The following CSNK2A2IP variants were observed in gnomAD, a reference collection of about 807,000 sequenced individuals.
CSNK2A2IP encodes casein kinase 2 subunit alpha' interacting protein.
chr3:88,391,633 T>A, the CSNK2A2IP span, among the ~76,000 whole-genome samples: 6 of 152,038 alleles, frequency 3.9e-5, no homozygotes, highest in Admixed American at 3.9e-4. Flanking sequence ...AAAGAAAACA[T>A]ACTCTAGGCA....
At chr3:88,373,269 T>G in the CSNK2A2IP span, among the ~76,000 whole-genome samples, 3 of 151,274 alleles carry the variant, frequency 2.0e-5, no homozygotes, top group African/African-American at 7.3e-5. Flanking sequence ...AGGATTGAAC[T>G]TACCAAAAGT....
At chr3:88,407,235 G>A in the CSNK2A2IP span, among the ~76,000 whole-genome samples, 1 of 133,968 alleles carries the variant, frequency 7.5e-6, no homozygotes, top group Non-Finnish European at 1.5e-5. Flanking sequence ...CTGGCATTGT[G>A]CAAATATTCT....
the CSNK2A2IP span, among the ~76,000 whole-genome samples, chr3:88,435,044 T>C: frequency 0.81 from 122,599 of 152,098 alleles, 50,191 homozygotes; most frequent in Non-Finnish European, 0.88. Flanking sequence ...AGGACAAATC[T>C]AGGGTCTTTG....
the CSNK2A2IP span, among the ~76,000 whole-genome samples, chr3:88,372,428 T>C: frequency 6.6e-6 from 1 of 151,422 alleles, no homozygotes; most frequent in African/African-American, 2.4e-5. Context: ...TTTAAATATA[T>C]TGAAATAATT....
At chr3:88,367,750 T>G in the CSNK2A2IP span, among the ~76,000 whole-genome samples, 1 of 152,086 alleles carries the variant, frequency 6.6e-6, no homozygotes, top group Admixed American at 6.6e-5. Context: ...AACTCCTGTG[T>G]TATCTAAATA....
At chr3:88,447,641 T>C in the CSNK2A2IP span, among the ~76,000 whole-genome samples, 1 of 152,118 alleles carries the variant, frequency 6.6e-6, no homozygotes, top group Non-Finnish European at 1.5e-5. Context: ...AACTTAGTAG[T>C]ACAATCTTGT....
chr3:88,422,065 G>A, the CSNK2A2IP span, among the ~76,000 whole-genome samples: 1 of 152,034 alleles, frequency 6.6e-6, no homozygotes. Flanking sequence ...TGTTTCTGTG[G>A]ATCTCTCTGT....
chr3:88,370,571 CCTTTCTTTCTCTCTCTCTTT>C, the CSNK2A2IP span, among the ~76,000 whole-genome samples: 2 of 148,812 alleles, frequency 1.3e-5, no homozygotes, highest in Non-Finnish European at 3.0e-5. Context: ...TCCCTTCCTT[CCTTTCTTTCTCTCTCTCTTT>C]CTTTCTTTCT....
the CSNK2A2IP span, chr3:88,467,318 C>T: frequency 2.5e-6 from 1 of 399,682 alleles, no homozygotes; most frequent in East Asian, 3.6e-5. Context: ...TCTTCCTCTC[C>T]TTCCAAAGAG....
the CSNK2A2IP span, chr3:88,465,392 T>C: frequency 8.1e-7 from 1 of 1,231,658 alleles, no homozygotes; most frequent in Non-Finnish European, 1.0e-6. Context: ...CAACACTTTG[T>C]GCCATTAGAC....
chr3:88,464,307 G>A, the CSNK2A2IP span, among the ~76,000 whole-genome samples: 2 of 135,990 alleles, frequency 1.5e-5, no homozygotes, highest in Admixed American at 1.7e-4. Context: ...AAAACTTAAG[G>A]TATAATAATA....
the CSNK2A2IP span, among the ~76,000 whole-genome samples, chr3:88,349,758 C>G: frequency 2.0e-5 from 3 of 152,072 alleles, no homozygotes; most frequent in Admixed American, 1.3e-4. Flanking sequence ...CCAGAAGTGT[C>G]AAAATGTTCC....
the CSNK2A2IP span, chr3:88,466,784 GC>G: frequency 4.7e-6 from 4 of 858,764 alleles, no homozygotes; most frequent in Non-Finnish European, 6.2e-6. Context: ...TATGTGGTTT[GC>G]TTAGCTTGTG....
the CSNK2A2IP span, among the ~76,000 whole-genome samples, chr3:88,370,297 T>C: frequency 6.4e-4 from 98 of 151,944 alleles, no homozygotes; most frequent in Non-Finnish European, 1.1e-3. Context: ...AAGGAAAAAT[T>C]AGAAACATTA....
At chr3:88,453,168 T>C in the CSNK2A2IP span, among the ~76,000 whole-genome samples, 1,281 of 152,204 alleles carry the variant, frequency 8.4e-3, 3 homozygotes, top group Non-Finnish European at 0.013. Context: ...ATGAAGTTGG[T>C]TCCCAAAAGA....
the CSNK2A2IP span, among the ~76,000 whole-genome samples, chr3:88,401,731 C>G: frequency 6.6e-6 from 1 of 151,814 alleles, no homozygotes; most frequent in Non-Finnish European, 1.5e-5. Flanking sequence ...TTTGCCATGT[C>G]TTAAGTAGCT....
chr3:88,399,047 G>A, the CSNK2A2IP span, among the ~76,000 whole-genome samples: 2 of 151,964 alleles, frequency 1.3e-5, no homozygotes, highest in African/African-American at 2.4e-5. Flanking sequence ...AGAGAATAAA[G>A]ACAAACAAAA....
At chr3:88,445,275 C>CAAAAAAAACAAAAAAAAA in the CSNK2A2IP span, among the ~76,000 whole-genome samples, 1 of 47,762 alleles carries the variant, frequency 2.1e-5, no homozygotes, top group Non-Finnish European at 3.9e-5. Flanking sequence ...GTAAAAATAC[C>CAAAAAAAACAAAAAAAAA]AAAAAAAAAA....
chr3:88,466,662 T>C, the CSNK2A2IP span: 2 of 1,220,628 alleles, frequency 1.6e-6, no homozygotes, highest in Non-Finnish European at 2.0e-6. Context: ...TAAATAAAAT[T>C]GTCAATTCTA....
Sources: gnomAD v4.1 joint callset for allele counts (sites outside exome capture counted in the v4.1 genomes callset) on GRCh38, gnomAD v4.1.1 for gene constraint, MANE v1.5 for transcripts, NCBI Gene and HGNC (gene_info 2026-07-23, HGNC 2026-07-21) for gene names.